The following ATAD2B variants were observed in gnomAD, a reference collection of about 807,000 sequenced individuals.
The protein encoded by ATAD2B is ATPase family AAA domain-containing protein 2B.
Under a neutral mutation model 167.6 loss-of-function variants are expected in ATAD2B, and 40 were observed. That is an observed-to-expected ratio of 0.24 (90% confidence interval 0.19 to 0.31). The LOEUF is 0.31. Among genes scored for constraint, ATAD2B ranks in the 10% least tolerant of loss-of-function variants. The pLI, the probability that ATAD2B is intolerant of heterozygous loss-of-function variation, is 1.00. For missense variants in ATAD2B, 1,242 were observed against 1,757.2 expected (o/e 0.71, Z 5.24); for synonymous variants, 579 against 596.5 (o/e 0.97, Z 0.43).
At chr2:23,711,812 C>T in the ATAD2B span, among the ~76,000 whole-genome samples, 1 of 152,152 alleles carries the variant, frequency 6.6e-6, no homozygotes, top group South Asian at 2.1e-4. Context: ...GCCATGTATT[C>T]GTGCTAAAAC....
chr2:23,861,613 T>C (rs1286967626), intron 12 of ATAD2B, among the ~76,000 whole-genome samples: 1 of 151,948 alleles, frequency 6.6e-6, no homozygotes, highest in Non-Finnish European at 1.5e-5. Flanking sequence ...GCATGATTTA[T>C]GCTATGGTTT....
the ATAD2B span, chr2:23,707,195 T>C: frequency 6.6e-6 from 1 of 152,252 alleles, no homozygotes; most frequent in Non-Finnish European, 1.5e-5. Flanking sequence ...TGGTCCCCAC[T>C]GGGGCTGAAG....
At chr2:23,678,371 A>T in the ATAD2B span, among the ~76,000 whole-genome samples, 4 of 152,178 alleles carry the variant, frequency 2.6e-5, no homozygotes, top group African/African-American at 9.7e-5. Flanking sequence ...TGAGAACTGA[A>T]TGGGAGCTAT....
the ATAD2B span, among the ~76,000 whole-genome samples, chr2:23,682,896 G>GT: frequency 6.6e-6 from 1 of 152,166 alleles, no homozygotes; most frequent in African/African-American, 2.4e-5. The surrounding 1 kb of genome is among the most constrained non-coding windows in gnomAD (Gnocchi z 4.1). Context: ...ATTCGGCCTT[G>GT]CCATGGCTCC....
At chr2:23,754,538 T>C in intron 26 of ATAD2B, 109 bp downstream of exon 26, 1 of 1,382,580 alleles carries the variant, frequency 7.2e-7, no homozygotes, top group East Asian at 2.3e-5. Flanking sequence ...CTCTGAGGCA[T>C]TTATATTTCA....
chr2:23,729,094 G>T, the ATAD2B span, among the ~76,000 whole-genome samples: 17 of 152,304 alleles, frequency 1.1e-4, no homozygotes, highest in Admixed American at 7.2e-4. Context: ...AGAACAGTGA[G>T]GGGGATGTCT....
the ATAD2B span, chr2:23,703,625 C>T: frequency 2.5e-4 from 343 of 1,395,248 alleles, no homozygotes; most frequent in Non-Finnish European, 3.1e-4. Flanking sequence ...GGAAGTCTTT[C>T]GAGCTTCCTT....
At chr2:23,888,178 C>T (rs1698967472) in intron 3 of ATAD2B, among the ~76,000 whole-genome samples, 172 bp downstream of exon 3, 1 of 152,190 alleles carries the variant, frequency 6.6e-6, no homozygotes, top group African/African-American at 2.4e-5. Context: ...TTCAGGTATG[C>T]TGATTTCTCA....
chr2:23,763,134 G>C (rs749221711), intron 23 of ATAD2B, among the ~76,000 whole-genome samples: 1 of 152,110 alleles, frequency 6.6e-6, no homozygotes, highest in Non-Finnish European at 1.5e-5. Flanking sequence ...AAACAAAACA[G>C]TTTGTTCTTA....
intron 17 of ATAD2B, among the ~76,000 whole-genome samples, chr2:23,817,085 A>G (rs761590107): frequency 6.6e-6 from 1 of 152,152 alleles, no homozygotes; most frequent in Non-Finnish European, 1.5e-5. Context: ...AAAAAAGACT[A>G]TATGTTGCCC....
chr2:23,805,795 T>TAAAAAAAAAAAAAA (rs3030816), intron 18 of ATAD2B, among the ~76,000 whole-genome samples: 16 of 100,950 alleles, frequency 1.6e-4, no homozygotes, highest in Middle Eastern at 5.1e-3. Flanking sequence ...TATCAAGCTT[T>TAAAAAAAAAAAAAA]AAAAAAAAAA....
chr2:23,706,329 C>T, the ATAD2B span, among the ~76,000 whole-genome samples: 1 of 151,710 alleles, frequency 6.6e-6, no homozygotes, highest in Admixed American at 6.6e-5. Flanking sequence ...CTTATGCCAG[C>T]CCAGGTTAGA....
the ATAD2B span, chr2:23,706,789 AAC>A: frequency 1.6e-6 from 1 of 630,294 alleles, no homozygotes; most frequent in African/African-American, 1.9e-5. Context: ...CACTGCGCTC[AAC>A]ATGTTGAATA....
Position 23,867,824 on chromosome 2 carries a change from A to G in ATAD2B, c.1188+11T>C, listed in dbSNP as rs769492371. The G allele has an allele frequency of 2.3e-5, 36 of 1,569,944 alleles. No homozygotes were observed. The East Asian group carries it at 7.8e-4, about 34-fold the overall frequency. ...AAAGAAAACTTCTAGAAAAACATTTACAAAACTTACTGATTTATCAATGTT... is the reference window on the plus strand; with the variant it reads ...AAAGAAAACTTCTAGAAAAACATTTGCAAAACTTACTGATTTATCAATGTT... On this transcript the variant is annotated intron_variant, in intron 10 of 27. Coordinates refer to ENST00000238789, the MANE Select transcript of ATAD2B (RefSeq NM_017552.4).
chr2:23,821,909 C>A (rs1490200941), intron 16 of ATAD2B, among the ~76,000 whole-genome samples: 1 of 152,132 alleles, frequency 6.6e-6, no homozygotes, highest in Admixed American at 6.5e-5. Context: ...CCGCCTTGGC[C>A]TCCCAAAACG....
chr2:23,921,062 C>G (rs1209656817), intron 1 of ATAD2B, among the ~76,000 whole-genome samples: 4 of 151,834 alleles, frequency 2.6e-5, no homozygotes, highest in African/African-American at 9.7e-5. Flanking sequence ...AAAAATTAGC[C>G]AGGTGTGGTG....
intron 17 of ATAD2B, among the ~76,000 whole-genome samples, chr2:23,813,410 C>T (rs1027743076): frequency 6.7e-6 from 1 of 150,344 alleles, no homozygotes; most frequent in Non-Finnish European, 1.5e-5. Context: ...TATTTTCTTA[C>T]ATGAAACAAT....
chr2:23,760,735 C>CACACACACACACACAT (rs1676611133), intron 24 of ATAD2B, among the ~76,000 whole-genome samples: 1 of 101,236 alleles, frequency 9.9e-6, no homozygotes, highest in Non-Finnish European at 2.1e-5. Context: ...CACACATATA[C>CACACACACACACACAT]ACACACACAC....
chr2:23,755,896 T>C (rs1374797603), intron 25 of ATAD2B, among the ~76,000 whole-genome samples: 1 of 152,160 alleles, frequency 6.6e-6, no homozygotes, highest in Non-Finnish European at 1.5e-5. Context: ...TTGATCCTCA[T>C]TACTACATCC....
Sources: allele counts gnomAD v4.1 joint callset (sites outside exome capture counted in the v4.1 genomes callset), GRCh38; gene constraint gnomAD v4.1.1; non-coding constraint Gnocchi (gnomAD v3.1); transcripts MANE v1.5; gene names NCBI Gene and HGNC (gene_info 2026-07-23, HGNC 2026-07-21).